The following ZSWIM4 variants were observed in gnomAD, a reference collection of about 807,000 sequenced individuals.
ZSWIM4 encodes the protein zinc finger SWIM domain-containing protein 4.
ZSWIM4 carries 62 observed loss-of-function variants against 102.5 expected under a neutral mutation model. The ratio of observed to expected loss-of-function variants is 0.60; its 90% CI spans 0.49 to 0.75. The LOEUF (loss-of-function observed/expected upper bound fraction) is 0.75, where lower values mean the gene tolerates loss of function less well. Ranked by LOEUF, ZSWIM4 falls within the 30% of genes least tolerant of loss-of-function variation. The pLI is 0.00. For synonymous variants in ZSWIM4, 652 were observed against 674.5 expected (o/e 0.97, Z 0.52); for missense variants, 1,280 against 1,529.6 (o/e 0.84, Z 2.72).
chr19:13,824,979 GGT>G (rs1231310394), intron 11 of ZSWIM4, among the ~76,000 whole-genome samples: 3 of 151,768 alleles, frequency 2.0e-5, no homozygotes, highest in Non-Finnish European at 4.4e-5. Flanking sequence ...TGGCATTCTG[GGT>G]GTGCAACCAA....
chr19:13,830,411 G>T lies in ZSWIM4; in HGVS notation c.2682G>T (p.Leu894=). 6.2e-7 allele frequency: 1 copy of T among 1,611,746 alleles called. No homozygotes were observed. Among genetic ancestry groups the T allele is most frequent in the Non-Finnish European group, 8.5e-7 (1 of 1,179,948 alleles). ...ACTGCGCCTTGCCTGCCCTGACCCT[G>T]TGCGAGAAGAACCACTCGGCCTTCG... ...PQNCALPALT[L]CEKNHSAFEA... is the part of the protein sequence containing the mutation. Residue 894 remains leucine (L), a synonymous_variant, in exon 14 of 14, where the codon CTG becomes CTT. Transcript: ENST00000590508.
chr19:13,813,614 G>GA (rs1037707894), intron 6 of ZSWIM4, among the ~76,000 whole-genome samples: 5 of 150,442 alleles, frequency 3.3e-5, no homozygotes, highest in Admixed American at 6.6e-5. Flanking sequence ...AGGAGAGAGG[G>GA]AAAAAAAAAT....
At chr19:13,804,770 G>C in intron 2 of ZSWIM4, 22 bp from the exon 3 acceptor site, 1 of 1,549,100 alleles carries the variant, frequency 6.5e-7, no homozygotes, top group Non-Finnish European at 8.7e-7. Flanking sequence ...ACACGGATGC[G>C]ACAGTTTGGC....
At chr19:13,822,322 C>G (rs1975489789) in intron 10 of ZSWIM4, among the ~76,000 whole-genome samples, 1 of 152,004 alleles carries the variant, frequency 6.6e-6, no homozygotes, top group Non-Finnish European at 1.5e-5. Context: ...CCCATGGGGC[C>G]TAATTTGGCC....
intron 2 of ZSWIM4, among the ~76,000 whole-genome samples, chr19:13,800,453 G>C (rs1974739253): frequency 6.6e-6 from 1 of 151,738 alleles, no homozygotes; most frequent in African/African-American, 2.4e-5. Context: ...TTTTAGTAGA[G>C]ACGGGGTTTC....
At chr19:13,806,079 G>A (rs1974912781) in intron 3 of ZSWIM4, among the ~76,000 whole-genome samples, 1 of 149,668 alleles carries the variant, frequency 6.7e-6, no homozygotes, top group African/African-American at 2.5e-5. Context: ...GTCTTCCTCT[G>A]TCACCCAAGC....
intron 1 of ZSWIM4, among the ~76,000 whole-genome samples, chr19:13,797,671 T>C (rs1020436586): frequency 3.9e-5 from 6 of 151,900 alleles, no homozygotes; most frequent in Non-Finnish European, 5.9e-5. Context: ...TTTATTTATC[T>C]GAAACGAGTC....
At chr19:13,818,021 C>T in intron 9 of ZSWIM4, 45 bp downstream of exon 9, 1 of 1,451,830 alleles carries the variant, frequency 6.9e-7, no homozygotes, top group Non-Finnish European at 9.1e-7. Flanking sequence ...AGGGTAGGGT[C>T]CAGCCCCTGG....
chr19:13,818,372 C>T (rs189416930), intron 9 of ZSWIM4, among the ~76,000 whole-genome samples: 1 of 152,284 alleles, frequency 6.6e-6, no homozygotes, highest in East Asian at 1.9e-4. Context: ...GAGACTCCGT[C>T]CCCTAGCGCT....
intron 3 of ZSWIM4, 54 bp from the exon 4 acceptor site, chr19:13,808,782 A>T (rs1870881738): frequency 4.7e-6 from 7 of 1,487,722 alleles, no homozygotes; most frequent in South Asian, 3.8e-5. Flanking sequence ...CCTCAACCCA[A>T]CCCAACCCCA....
chr19:13,829,691 G>C (rs1340833567), intron 13 of ZSWIM4, among the ~76,000 whole-genome samples: 1 of 152,090 alleles, frequency 6.6e-6, no homozygotes, highest in African/African-American at 2.4e-5. Context: ...TGGGCGTGGT[G>C]GTGGGCCCCT....
rs1410482866 is a variant in ZSWIM4 at position 13,830,299 on chromosome 19, G to A, written c.2570G>A (p.Arg857Gln). Residue 857 changes from arginine to glutamine, a missense_variant, in exon 14 of 14, where the codon CGA (arginine) becomes CAA (glutamine). Arg to Gln is a conservative substitution (Grantham distance 43). Transcript: ENST00000590508. The part of the protein sequence containing the change: ...VTGTTHATLL[R>Q]LQLDTSRREE... ...GGCACCACACACGCCACTCTGCTGC[G>A]ACTGCAGCTGGACACATCGCGGAGG... 1.2e-6 allele frequency: 2 copies of A among 1,613,794 alleles called. No homozygotes were observed. Among genetic ancestry groups the A allele is most frequent in the South Asian group, 1.1e-5 (1 of 91,080 alleles).
Position 13,831,177 on chromosome 19 carries a change from GGCAGGGGGA to G in ZSWIM4, c.*132_*140del, listed in dbSNP as rs1243310570. 1 of 1,261,330 alleles carries G rather than the reference GGCAGGGGGA, an allele frequency of 7.9e-7. No homozygotes were observed. Among genetic ancestry groups the G allele is most frequent in the African/African-American group, 1.5e-5 (1 of 66,666 alleles). The allele number at this position is 1,261,330 out of a possible 1,614,324, so 78.1% of individuals were successfully genotyped here. A position where few individuals can be genotyped will look rare whatever the true frequency, so the allele number is the denominator to read the frequency against. On this transcript the variant is annotated 3_prime_UTR_variant, in exon 14 of 14. Transcript: ENST00000590508. ...GGGAAGGAGCCCGGCTGGAGATGGG[GGCAGGGGGA>G]GCAGCATCCTGCCACGTGTGTGCCT...
chr19:13,799,333 G>A (rs146709514), intron 1 of ZSWIM4, among the ~76,000 whole-genome samples: 1 of 149,052 alleles, frequency 6.7e-6, no homozygotes, highest in Non-Finnish European at 1.5e-5. Context: ...GAGTGCAGTG[G>A]CATGATCTCA....
intron 1 of ZSWIM4, 105 bp from the exon 2 acceptor site, chr19:13,799,615 G>T (rs1974700800): frequency 1.8e-6 from 2 of 1,110,972 alleles, no homozygotes; most frequent in South Asian, 2.5e-5. Context: ...ATGTTGCCCA[G>T]GCTGGTCTCG....
intron 8 of ZSWIM4, 115 bp downstream of exon 8, chr19:13,817,468 C>G (rs1193393516): frequency 7.4e-7 from 1 of 1,350,254 alleles, no homozygotes; most frequent in Admixed American, 2.3e-5. Context: ...GGCCACGCCC[C>G]TACCCTTGGC....
chr19:13,824,982 G>A (rs998770255), intron 11 of ZSWIM4, among the ~76,000 whole-genome samples: 5 of 151,728 alleles, frequency 3.3e-5, no homozygotes, highest in Non-Finnish European at 5.9e-5. Flanking sequence ...CATTCTGGGT[G>A]TGCAACCAAT....
rs1246651340 is a variant in ZSWIM4, at chr19:13,804,966, G to A, written c.530G>A (p.Arg177Gln). 20 of 1,612,928 alleles carry A rather than the reference G, an allele frequency of 1.2e-5. No homozygotes were observed. Among genetic ancestry groups the A allele is most frequent in the Non-Finnish European group, 1.6e-5 (19 of 1,180,024 alleles). The change falls in exon 3 of 14, where the codon CGG becomes CAG. Residue 177 changes from arginine (R) to glutamine (Q), a missense_variant. Transcript: ENST00000590508. ...GTGGCCCTGTCCCTGTACCGCATTCGGCACGCCCACCAGGTGGAGCTGCGG... is the reference window on the plus strand; with the variant it reads ...GTGGCCCTGTCCCTGTACCGCATTCAGCACGCCCACCAGGTGGAGCTGCGG... ...HVVALSLYRI[R>Q]HAHQVELRLP...
intron 2 of ZSWIM4, among the ~76,000 whole-genome samples, chr19:13,804,322 T>C (rs995603922): frequency 8.5e-6 from 1 of 117,548 alleles, no homozygotes; most frequent in South Asian, 2.5e-4. Flanking sequence ...AATACAAAAT[T>C]AGCCGGGCAT....
Sources: gnomAD v4.1 joint callset for allele counts (sites outside exome capture counted in the v4.1 genomes callset) on GRCh38, gnomAD v4.1.1 for gene constraint, MANE v1.5 for transcripts, NCBI Gene and HGNC (gene_info 2026-07-23, HGNC 2026-07-21) for gene names.